The following CDH18 variants were observed in gnomAD, a reference collection of about 807,000 sequenced individuals.
CDH18 encodes the protein cadherin 18.
A neutral mutation model predicts 67.9 loss-of-function variants in CDH18; 31 were observed. That is an observed-to-expected ratio of 0.46 (90% CI 0.34 to 0.62). The LOEUF (loss-of-function observed/expected upper bound fraction) is 0.62. Among genes scored for constraint, CDH18 ranks in the 20% least tolerant of loss-of-function variants. The pLI is 0.01. For synonymous variants in CDH18, 362 were observed against 347.2 expected (o/e 1.04, Z -0.48); for missense variants, 890 against 975.5 (o/e 0.91, Z 1.17).
intron 1 of CDH18, among the ~76,000 whole-genome samples, chr5:20,390,602 A>G (rs937510075): frequency 1.3e-5 from 2 of 152,216 alleles, no homozygotes; most frequent in South Asian, 2.1e-4. Flanking sequence ...ATCTAGAACT[A>G]GAAATACCAT....
At chr5:20,089,413 C>T (rs1322746311) in intron 2 of CDH18, among the ~76,000 whole-genome samples, 1 of 152,038 alleles carries the variant, frequency 6.6e-6, no homozygotes, top group Non-Finnish European at 1.5e-5. Context: ...GGAAGATCAC[C>T]TCATATATTT....
chr5:20,179,910 G>T (rs968073124), intron 2 of CDH18, among the ~76,000 whole-genome samples: 1 of 152,066 alleles, frequency 6.6e-6, no homozygotes, highest in South Asian at 2.1e-4. Context: ...GTAGGAGCTG[G>T]CTGTTGGAGG....
At chr5:19,591,342 C>G (rs758063259) in intron 6 of CDH18, 98 bp from the exon 7 acceptor site, 6 of 794,888 alleles carry the variant, frequency 7.5e-6, no homozygotes, top group Non-Finnish European at 9.2e-6. Flanking sequence ...CAAATGAAGA[C>G]TATATTAGGT....
At chr5:20,344,349 G>T (rs1198528106) in intron 1 of CDH18, among the ~76,000 whole-genome samples, 2 of 152,118 alleles carry the variant, frequency 1.3e-5, no homozygotes, top group Non-Finnish European at 2.9e-5. Flanking sequence ...CTACCCAGGG[G>T]AAGACTGACA....
At chr5:19,731,380 G>T (rs1242299885) in intron 4 of CDH18, among the ~76,000 whole-genome samples, 1 of 152,164 alleles carries the variant, frequency 6.6e-6, no homozygotes, top group African/African-American at 2.4e-5. Context: ...GAACCTGGGA[G>T]GCAGAGCTTG....
At chr5:19,697,791 C>T (rs887948357) in intron 5 of CDH18, among the ~76,000 whole-genome samples, 1 of 152,098 alleles carries the variant, frequency 6.6e-6, no homozygotes, top group African/African-American at 2.4e-5. Flanking sequence ...CAATGACAGC[C>T]TTAGGTGTAT....
intron 2 of CDH18, among the ~76,000 whole-genome samples, chr5:19,868,038 C>A (rs1429163331): frequency 6.6e-6 from 1 of 152,150 alleles, no homozygotes; most frequent in Non-Finnish European, 1.5e-5. Context: ...TTTGCTTCCC[C>A]CTCTGCCATG....
chr5:20,493,863 G>A (rs572924443), intron 1 of CDH18, among the ~76,000 whole-genome samples: 1 of 151,882 alleles, frequency 6.6e-6, no homozygotes, highest in Non-Finnish European at 1.5e-5. Context: ...GTGTTACATC[G>A]GGTCTGACTA....
chr5:20,303,329 A>T (rs1736108783), intron 1 of CDH18, among the ~76,000 whole-genome samples: 1 of 152,022 alleles, frequency 6.6e-6, no homozygotes, highest in East Asian at 1.9e-4. Context: ...CTATATCTTC[A>T]TTTTGTCTTT....
chr5:20,482,144 G>A (rs1266603897), intron 1 of CDH18, among the ~76,000 whole-genome samples: 1 of 151,888 alleles, frequency 6.6e-6, no homozygotes, highest in Admixed American at 6.6e-5. Flanking sequence ...GATCATTAGA[G>A]ACTGCTATGA....
At chr5:20,514,976 C>A (rs1755271142) in intron 1 of CDH18, among the ~76,000 whole-genome samples, 1 of 150,484 alleles carries the variant, frequency 6.6e-6, no homozygotes, top group African/African-American at 2.4e-5. Context: ...GACAGCATGC[C>A]AATAATCAAT....
At chr5:19,648,794 C>T (rs973491560) in intron 5 of CDH18, among the ~76,000 whole-genome samples, 4 of 151,812 alleles carry the variant, frequency 2.6e-5, no homozygotes, top group Admixed American at 2.6e-4. Context: ...CTCACTCTTA[C>T]TCTTCACACA....
chr5:20,451,592 GA>G (rs1750456539), intron 1 of CDH18, among the ~76,000 whole-genome samples: 1 of 152,088 alleles, frequency 6.6e-6, no homozygotes, highest in Admixed American at 6.6e-5. Context: ...GGCCATGAAG[GA>G]ATAGTGATTT....
intron 1 of CDH18, among the ~76,000 whole-genome samples, chr5:20,301,485 G>C (rs1735898992): frequency 6.6e-6 from 1 of 152,132 alleles, no homozygotes; most frequent in Non-Finnish European, 1.5e-5. Context: ...CTGAGTGCCT[G>C]ATTGGAAAAG....
At chr5:19,908,010 T>C (rs1790711705) in intron 2 of CDH18, among the ~76,000 whole-genome samples, 1 of 152,064 alleles carries the variant, frequency 6.6e-6, no homozygotes, top group Admixed American at 6.6e-5. Flanking sequence ...AATGTATAAT[T>C]TCCCTTTATT....
chr5:20,371,072 G>A (rs1742961747), intron 1 of CDH18, among the ~76,000 whole-genome samples: 1 of 151,602 alleles, frequency 6.6e-6, no homozygotes, highest in African/African-American at 2.4e-5. Flanking sequence ...TCCAGCCAAT[G>A]TATCATAGTT....
intron 2 of CDH18, among the ~76,000 whole-genome samples, chr5:20,181,931 T>C (rs934284644): frequency 1.3e-5 from 2 of 152,118 alleles, no homozygotes; most frequent in African/African-American, 4.8e-5. Flanking sequence ...AGTGTATTCT[T>C]TCCTCGCTCT....
intron 3 of CDH18, among the ~76,000 whole-genome samples, chr5:19,754,335 G>C (rs1176076328): frequency 6.6e-6 from 1 of 152,088 alleles, no homozygotes. Flanking sequence ...CATGCAAATG[G>C]ACACCAAAAG....
intron 1 of CDH18, among the ~76,000 whole-genome samples, chr5:20,564,514 T>G (rs1414008834): frequency 6.6e-6 from 1 of 152,068 alleles, no homozygotes; most frequent in Non-Finnish European, 1.5e-5. Flanking sequence ...CTTGAACTCC[T>G]GACCTCAGGT....
Sources: allele counts gnomAD v4.1 joint callset (sites outside exome capture counted in the v4.1 genomes callset), GRCh38; gene constraint gnomAD v4.1.1; transcripts MANE v1.5; gene names NCBI Gene and HGNC (gene_info 2026-07-23, HGNC 2026-07-21).